ZDHHC20: variants seen among roughly 807,000 people sequenced by gnomAD.
ZDHHC20 encodes the protein palmitoyltransferase ZDHHC20.
In ZDHHC20, 43 loss-of-function variants were observed where a neutral mutation model predicts 57.8. That is an observed-to-expected ratio of 0.74 (90% confidence interval 0.58 to 0.96). The LOEUF (loss-of-function observed/expected upper bound fraction) is 0.96, where lower values mean the gene tolerates loss of function less well. Among genes scored for constraint, ZDHHC20 ranks in the 40% least tolerant of loss-of-function variants. ZDHHC20 has a pLI of 0.00. For missense variants in ZDHHC20, 391 were observed against 441.1 expected, an observed-to-expected ratio of 0.89 and a Z score of 1.02; for synonymous variants, 157 against 153.0, an observed-to-expected ratio of 1.03 and a Z score of -0.19.
intron 1 of ZDHHC20, among the ~76,000 whole-genome samples, chr13:21,448,063 A>G: frequency 8.1e-6 from 1 of 123,714 alleles, no homozygotes; most frequent in African/African-American, 3.0e-5. Flanking sequence ...CCCGTCTGAA[A>G]AGTGAGGAGC....
chr13:21,458,941 CGCCCGGCGTCCGGCGCTG>C, intron 1 of ZDHHC20, 95 bp downstream of exon 1: 1 of 742,144 alleles, frequency 1.3e-6, no homozygotes. Context: ...CGGGGCCGGA[CGCCCGGCGTCCGGCGCTG>C]GCTCCAGAAA....
chr13:21,458,928 G>C, intron 1 of ZDHHC20, 126 bp downstream of exon 1: 1 of 655,088 alleles, frequency 1.5e-6, no homozygotes, highest in Non-Finnish European at 2.4e-6. Flanking sequence ...TTCCGAGCGC[G>C]TTCGGGGCCG....
intron 7 of ZDHHC20, among the ~76,000 whole-genome samples, chr13:21,395,789 C>T (rs939079792): frequency 5.3e-5 from 8 of 152,124 alleles, no homozygotes; most frequent in South Asian, 2.1e-4. Flanking sequence ...CATAAGCCAC[C>T]GCGCCCCAAC....
chr13:21,401,960 G>A (rs960598849), intron 5 of ZDHHC20, among the ~76,000 whole-genome samples: 2 of 152,150 alleles, frequency 1.3e-5, no homozygotes, highest in Admixed American at 6.5e-5. Flanking sequence ...GCTGGGCACA[G>A]TGGCTCATGC....
Position 21,391,836 on chromosome 13 carries a change from G to A in ZDHHC20, c.613C>T (p.Arg205Cys), listed in dbSNP as rs1875777126. ...AGAAAAAGTACGTGGAATTTTGCAC[G>A]TGTATCTGTCAGTTCATTCTGAGGA... ...KFWTNELTDT[R>C]AKFHVLFLFF... The change falls in exon 8 of 13, where the codon CGT becomes TGT. Residue 205 changes from arginine (R) to cysteine (C), a missense_variant. This residue lies in a region of ZDHHC20 where 197 missense variants were observed against 220.8 expected (regional missense o/e 0.89). Coordinates refer to ENST00000400590, the MANE Select transcript of ZDHHC20 (RefSeq NM_001330059.2). 6 of 1,612,092 alleles carry A rather than the reference G, an allele frequency of 3.7e-6. No homozygotes were observed. The highest frequency in any genetic ancestry group is 1.1e-5 in the South Asian group (1 of 90,418).
At chr13:21,432,331 ATT>A (rs71093309) in intron 1 of ZDHHC20, among the ~76,000 whole-genome samples, 4 of 133,170 alleles carry the variant, frequency 3.0e-5, no homozygotes, top group Admixed American at 7.5e-5. Flanking sequence ...TGTCCCACTA[ATT>A]TTTTTTTTTT....
chr13:21,428,409 C>T (rs1470639337), intron 1 of ZDHHC20, among the ~76,000 whole-genome samples: 6 of 151,200 alleles, frequency 4.0e-5, no homozygotes, highest in Non-Finnish European at 7.4e-5. Flanking sequence ...TTAGTAGAGA[C>T]GGGGTTTCAC....
At chr13:21,435,238 T>C (rs937978594) in intron 1 of ZDHHC20, among the ~76,000 whole-genome samples, 15 of 152,232 alleles carry the variant, frequency 9.9e-5, no homozygotes, top group African/African-American at 3.6e-4. Flanking sequence ...TTTTGTTTGT[T>C]TGTTTTTTCT....
chr13:21,382,044 A>G (rs576604204), intron 10 of ZDHHC20: 4 of 438,576 alleles, frequency 9.1e-6, no homozygotes, highest in South Asian at 6.4e-5. Context: ...GAAGAGGAAA[A>G]GGAAACTAAC....
intron 1 of ZDHHC20, among the ~76,000 whole-genome samples, chr13:21,428,499 G>A (rs1490859879): frequency 3.3e-5 from 5 of 151,806 alleles, no homozygotes; most frequent in Non-Finnish European, 5.9e-5. Flanking sequence ...GATTACAGGC[G>A]TGAGCCACCG....
intron 1 of ZDHHC20, among the ~76,000 whole-genome samples, chr13:21,449,939 A>C (rs1268654206): frequency 6.6e-6 from 1 of 152,056 alleles, no homozygotes; most frequent in African/African-American, 2.4e-5. Flanking sequence ...GATGGTGCAA[A>C]TTATTATAGT....
Position 21,431,504 on chromosome 13 carries a change from C to T in ZDHHC20, c.119-5826G>A, listed in dbSNP as rs375431542. ...TACTTAATATCTAAAAATGGGATTG[C>T]TGGGTCTAATGTTAAATATGTGCTT... On this transcript the variant is annotated intron_variant, in intron 1 of 12. Transcript: ENST00000400590. Among the ~76,000 whole-genome samples the T allele has an allele frequency of 4.6e-5, 7 of 152,170 alleles. No homozygotes were observed. In the East Asian group the frequency reaches 9.7e-4, roughly 21 times the overall value.
chr13:21,443,038 T>C (rs1883338339), intron 1 of ZDHHC20, among the ~76,000 whole-genome samples: 1 of 152,240 alleles, frequency 6.6e-6, no homozygotes, highest in Non-Finnish European at 1.5e-5. Context: ...CAGTGCCTTC[T>C]TCTGTTACTT....
intron 1 of ZDHHC20, among the ~76,000 whole-genome samples, chr13:21,444,565 TCTA>T (rs1883491686): frequency 6.6e-6 from 1 of 152,194 alleles, no homozygotes; most frequent in Non-Finnish European, 1.5e-5. Context: ...TTTATGTTGT[TCTA>T]CTAAATTAAA....
chr13:21,398,042 A>C (rs1427593379), intron 7 of ZDHHC20, among the ~76,000 whole-genome samples: 1 of 152,202 alleles, frequency 6.6e-6, no homozygotes, highest in Non-Finnish European at 1.5e-5. Context: ...TCAATCCTAT[A>C]AGTTATTACC....
intron 1 of ZDHHC20, among the ~76,000 whole-genome samples, chr13:21,449,148 T>C (rs1482501697): frequency 6.9e-6 from 1 of 144,078 alleles, no homozygotes; most frequent in Non-Finnish European, 1.5e-5. Flanking sequence ...CTGCTGACCT[T>C]CCCTCCACTA....
At chr13:21,411,691 A>G (rs1396075588) in intron 4 of ZDHHC20, among the ~76,000 whole-genome samples, 4 of 152,222 alleles carry the variant, frequency 2.6e-5, no homozygotes, top group African/African-American at 4.8e-5. Context: ...ATGAACTCAA[A>G]AAGTAGCAAT....
In ZDHHC20 at chr13:21,378,781, A is replaced by AC. The variant is rs754570651; in HGVS notation, c.1061-44_1061-43insG. ...TATATGACATGACAAAAAAAAAAAAAAAAAGAAGTATTAAGTTTCTGGCTA... is the reference window on the plus strand; with the variant it reads ...TATATGACATGACAAAAAAAAAAAAACAAAAGAAGTATTAAGTTTCTGGCTA... On this transcript the variant is annotated intron_variant, in intron 11 of 12. Transcript: ENST00000400590. The AC allele has an allele frequency of 6.3e-4, 754 of 1,191,600 alleles. 3 individuals carry two copies. In the African/African-American group the frequency reaches 9.6e-3, roughly 15 times the overall value. 73.8% of individuals were successfully genotyped at this position (1,191,600 alleles called of 1,614,324 possible). A position where few individuals can be genotyped will look rare whatever the true frequency, so the allele number is the denominator to read the frequency against.
Position 21,454,241 on chromosome 13 carries a change from G to A in ZDHHC20, c.118+4813C>T, listed in dbSNP as rs148927955. 2.7e-3 allele frequency among the ~76,000 whole-genome samples: 414 copies of A among 152,166 alleles called. 2 individuals carry two copies. The highest frequency in any genetic ancestry group is 0.024 in the East Asian group (124 of 5,158). On this transcript the variant is annotated intron_variant, in intron 1 of 12. Coordinates refer to ENST00000400590, the MANE Select transcript of ZDHHC20 (RefSeq NM_001330059.2). ...CTCAAGAGGCTGAGGCAGGAGAATT[G>A]CTTGAACCCAGGAGGAGGAGGTTGC...
Sources: gnomAD v4.1 joint callset for allele counts (sites outside exome capture counted in the v4.1 genomes callset) on GRCh38, gnomAD v4.1.1 for gene constraint, gnomAD v4.1.1 regional missense constraint, MANE v1.5 for transcripts, NCBI Gene and HGNC (gene_info 2026-07-23, HGNC 2026-07-21) for gene names.